LRP1B: variants seen among roughly 807,000 people sequenced by gnomAD.
The protein encoded by LRP1B is LDL receptor related protein 1B, also known as low-density lipoprotein receptor-related protein 1B.
A neutral mutation model predicts 556.6 loss-of-function variants in LRP1B; 217 were observed. The observed-to-expected ratio is 0.39, with a 90% CI of 0.35 to 0.44. The LOEUF is 0.44. Among genes scored for constraint, LRP1B ranks in the 20% least tolerant of loss-of-function variants. The pLI is 1.00. For missense variants in LRP1B, 5,053 were observed against 5,620.8 expected (o/e 0.90, Z 3.23); for synonymous variants, 2,047 against 1,865.8 (o/e 1.10, Z -2.50).
rs182941968 is a variant in LRP1B, at chr2:140,786,262, T to C, written c.5360-10024A>G. ...CAATTTTCCAGGGATAGATTAACCA[T>C]GTTATGTCAAAACATGGAAGAAAAT... On this transcript the variant is annotated intron_variant, in intron 32 of 90. Transcript: ENST00000389484. Among the ~76,000 whole-genome samples the C allele has an allele frequency of 1.4e-4, 21 of 152,342 alleles. No homozygotes were observed. The East Asian group carries it at 3.9e-3, about 28-fold the overall frequency.
chr2:140,902,585 G>A (rs1358376866), intron 23 of LRP1B, among the ~76,000 whole-genome samples: 2 of 152,114 alleles, frequency 1.3e-5, no homozygotes, highest in Admixed American at 6.6e-5. Context: ...TAACAATTGG[G>A]AATGTGGGGC....
chr2:140,958,928 C>A (rs527873477), intron 18 of LRP1B, among the ~76,000 whole-genome samples: 1 of 151,380 alleles, frequency 6.6e-6, no homozygotes, highest in African/African-American at 2.4e-5. Flanking sequence ...ACAGAGGAAC[C>A]AGAAAAATAT....
rs1707176890 is a variant in LRP1B, at chr2:142,115,537, C to CATATGTAATATATATATTATATATATTAT, written c.82+15110_82+15111insATAATATATATAATATATATATTACATAT. On this transcript the variant is annotated intron_variant, in intron 1 of 90. Coordinates refer to ENST00000389484, the MANE Select transcript of LRP1B (RefSeq NM_018557.3). ...TATTACATATATAATATATATATTA[C>CATATGTAATATATATATTATATATATTAT]ATATGTAATATATATATTATATATG... Among the ~76,000 whole-genome samples the CATATGTAATATATATATTATATATATTAT allele has an allele frequency of 2.7e-4, 4 of 14,696 alleles. 1 individual carries two copies. In the Admixed American group the frequency reaches 6.5e-3, roughly 24 times the overall value. The allele number at this position is 14,696 out of a possible 152,430, so 9.6% of individuals were successfully genotyped here. A position where few individuals can be genotyped will look rare whatever the true frequency, so the allele number is the denominator to read the frequency against.
intron 1 of LRP1B, among the ~76,000 whole-genome samples, chr2:141,834,114 C>G (rs1441787067): frequency 6.6e-6 from 1 of 151,814 alleles, no homozygotes; most frequent in Non-Finnish European, 1.5e-5. Context: ...AGGATGGACA[C>G]TGATGGTACT....
At chr2:140,622,945 C>CTGAT (rs34182228) in intron 41 of LRP1B, among the ~76,000 whole-genome samples, 34,688 of 151,936 alleles carry the variant, frequency 0.23, 4,252 homozygotes, top group Admixed American at 0.3. Flanking sequence ...TGCTTCTATT[C>CTGAT]TGATTTTAAG....
At chr2:141,887,208 C>T (rs1328438465) in intron 1 of LRP1B, among the ~76,000 whole-genome samples, 2 of 152,022 alleles carry the variant, frequency 1.3e-5, no homozygotes, top group Non-Finnish European at 2.9e-5. Flanking sequence ...GTTGGCCAGG[C>T]TGGTCTCGAA....
intron 35 of LRP1B, among the ~76,000 whole-genome samples, chr2:140,750,911 T>C (rs76723093): frequency 0.039 from 5,958 of 151,964 alleles, 381 homozygotes; most frequent in African/African-American, 0.13. Context: ...CCCAGTAAAC[T>C]GAAACCACTC....
intron 35 of LRP1B, among the ~76,000 whole-genome samples, chr2:140,762,220 A>C (rs16844631): frequency 0.032 from 4,819 of 152,262 alleles, 255 homozygotes; most frequent in African/African-American, 0.11. Flanking sequence ...CACATTGCTT[A>C]TGCAGTTCAT....
chr2:141,984,858 G>T (rs72852570), intron 1 of LRP1B, among the ~76,000 whole-genome samples: 4,018 of 152,196 alleles, frequency 0.026, 74 homozygotes, highest in Non-Finnish European at 0.042. Flanking sequence ...TAGGCTACCT[G>T]CTGAGGTCTC....
chr2:141,104,019 G>A (rs1229245121), intron 7 of LRP1B, among the ~76,000 whole-genome samples: 1 of 151,872 alleles, frequency 6.6e-6, no homozygotes, highest in Non-Finnish European at 1.5e-5. Context: ...GTAGTTTAAG[G>A]ATTATAATGT....
At chr2:140,913,191 T>C (rs188146493) in intron 21 of LRP1B, among the ~76,000 whole-genome samples, 2 of 152,048 alleles carry the variant, frequency 1.3e-5, no homozygotes, top group East Asian at 3.9e-4. Context: ...CAGTGTTTGG[T>C]TTCAATTCAA....
At chr2:140,771,385 C>A (rs1689306598) in intron 33 of LRP1B, among the ~76,000 whole-genome samples, 1 of 152,056 alleles carries the variant, frequency 6.6e-6, no homozygotes, top group Non-Finnish European at 1.5e-5. Flanking sequence ...AATATTTTAT[C>A]CAAATGTGTC....
rs772545514 is a variant in LRP1B at position 140,907,972 on chromosome 2, G to A, written c.3425C>T (p.Pro1142Leu). 29 of 1,613,402 alleles carry A rather than the reference G, an allele frequency of 1.8e-5. No individual in the cohort carries two copies. The highest frequency in any genetic ancestry group is 2.4e-5 in the Non-Finnish European group (28 of 1,179,672). ...GCAGACTGAGGTGTCATTAGCACAA[G>A]GATGCTTGGGTGGTCCACACAAGAA... ...DSFLCGPPKH[P>L]CANDTSVCLQ... The change falls in exon 22 of 91, where the codon CCT becomes CTT. Residue 1142 changes from proline to leucine, a missense_variant. By Grantham distance (98) the Pro-to-Leu change is moderately conservative. This residue lies in a region of LRP1B where 3,619 missense variants were observed against 3,931.9 expected (regional missense o/e 0.92). Coordinates refer to ENST00000389484, the MANE Select transcript of LRP1B (RefSeq NM_018557.3).
At chr2:141,222,598 A>G (rs1033567950) in intron 6 of LRP1B, among the ~76,000 whole-genome samples, 4 of 152,196 alleles carry the variant, frequency 2.6e-5, no homozygotes, top group Non-Finnish European at 5.9e-5. Flanking sequence ...TTAGTCCAAT[A>G]TCCCCAATGA....
At chr2:141,844,534 G>A (rs1002908303) in intron 1 of LRP1B, among the ~76,000 whole-genome samples, 3 of 152,068 alleles carry the variant, frequency 2.0e-5, no homozygotes, top group African/African-American at 4.8e-5. Flanking sequence ...AACAATGTCA[G>A]TATATGGTAA....
At chr2:141,102,859 C>A (rs925613907) in intron 7 of LRP1B, among the ~76,000 whole-genome samples, 6 of 151,950 alleles carry the variant, frequency 3.9e-5, no homozygotes, top group Non-Finnish European at 7.4e-5. Flanking sequence ...AATAAAAATT[C>A]TTTATTTATG....
chr2:140,842,419 A>G (rs1692138294), intron 29 of LRP1B, among the ~76,000 whole-genome samples: 1 of 152,192 alleles, frequency 6.6e-6, no homozygotes, highest in South Asian at 2.1e-4. Context: ...AGTAACTAAT[A>G]ATCACAGTTG....
In LRP1B at chr2:142,016,536, G is replaced by A. The variant is rs529868853; in HGVS notation, c.82+114112C>T. Among the ~76,000 whole-genome samples, 29 of 152,208 alleles carry A rather than the reference G, an allele frequency of 1.9e-4. 1 individual carries two copies. Among genetic ancestry groups the A allele is most frequent in the African/African-American group, 6.7e-4 (28 of 41,528 alleles). On this transcript the variant is annotated intron_variant, in intron 1 of 90. Transcript: ENST00000389484. ...AGTTCATGACCTTTGCAGGGACATG[G>A]ATGAAGCTGGAAACCATCATTCTCA...
At chr2:141,790,134 T>C (rs1022761840) in intron 2 of LRP1B, among the ~76,000 whole-genome samples, 2 of 151,940 alleles carry the variant, frequency 1.3e-5, no homozygotes, top group Admixed American at 6.6e-5. Context: ...TACCTCATTG[T>C]TATTGATGCA....
Sources: gnomAD v4.1 joint callset for allele counts (sites outside exome capture counted in the v4.1 genomes callset) on GRCh38, gnomAD v4.1.1 for gene constraint, gnomAD v4.1.1 regional missense constraint, MANE v1.5 for transcripts, NCBI Gene and HGNC (gene_info 2026-07-23, HGNC 2026-07-21) for gene names.